Variants in DOK6 observed in about 807,000 individuals in gnomAD.
The protein encoded by DOK6 is docking protein 6.
Under a neutral mutation model 44.0 loss-of-function variants are expected in DOK6, and 22 were observed. The observed-to-expected ratio is 0.50, with a 90% CI of 0.36 to 0.71. The LOEUF (loss-of-function observed/expected upper bound fraction) is 0.71. Among genes scored for constraint, DOK6 ranks in the 30% least tolerant of loss-of-function variants. The pLI is 0.00. For missense variants in DOK6, 340 were observed against 416.4 expected, an observed-to-expected ratio of 0.82 and a Z score of 1.60; for synonymous variants, 166 against 145.5, an observed-to-expected ratio of 1.14 and a Z score of -1.01.
At chr18:69,798,485 G>A (rs1980812003) in intron 7 of DOK6, among the ~76,000 whole-genome samples, 1 of 152,082 alleles carries the variant, frequency 6.6e-6, no homozygotes, top group East Asian at 1.9e-4. Flanking sequence ...TCTTGTATGT[G>A]TAGTACCAAA....
chr18:69,726,923 T>C (rs1170288242), intron 5 of DOK6, among the ~76,000 whole-genome samples: 7 of 151,890 alleles, frequency 4.6e-5, no homozygotes, highest in South Asian at 2.1e-4. Context: ...GGCACCATCA[T>C]AGCTCACTGC....
chr18:69,502,184 G>T (rs945647157), intron 1 of DOK6, among the ~76,000 whole-genome samples: 1 of 152,118 alleles, frequency 6.6e-6, no homozygotes, highest in Non-Finnish European at 1.5e-5. Flanking sequence ...TTCTTGAAAA[G>T]CATGATAATA....
intron 1 of DOK6, among the ~76,000 whole-genome samples, chr18:69,456,764 C>T (rs1046315670): frequency 2.6e-5 from 4 of 152,268 alleles, no homozygotes; most frequent in East Asian, 1.9e-4. Context: ...TTCTTTCCTA[C>T]GAAAAGTGTA....
At chr18:69,711,706 A>G (rs1986760936) in intron 5 of DOK6, among the ~76,000 whole-genome samples, 1 of 152,202 alleles carries the variant, frequency 6.6e-6, no homozygotes, top group African/African-American at 2.4e-5. Flanking sequence ...CAATTATTTA[A>G]TTGTATAATA....
chr18:69,813,498 G>A (rs17081657), intron 7 of DOK6, among the ~76,000 whole-genome samples: 9,816 of 151,982 alleles, frequency 0.065, 412 homozygotes, highest in South Asian at 0.15. Context: ...ATAGAAGCAC[G>A]GTTTATGCAA....
At chr18:69,485,938 A>G (rs1980565874) in intron 1 of DOK6, among the ~76,000 whole-genome samples, 2 of 150,898 alleles carry the variant, frequency 1.3e-5, no homozygotes, top group African/African-American at 4.9e-5. Flanking sequence ...CCCTAAAACT[A>G]AGCTTTTTTA....
At chr18:69,813,250 G>T (rs186976898) in intron 7 of DOK6, among the ~76,000 whole-genome samples, 1 of 152,110 alleles carries the variant, frequency 6.6e-6, no homozygotes, top group South Asian at 2.1e-4. Flanking sequence ...ATTGTTTTAC[G>T]TAGTAATGAA....
intron 2 of DOK6, among the ~76,000 whole-genome samples, chr18:69,588,508 T>C (rs555429294): frequency 1.3e-5 from 2 of 152,282 alleles, no homozygotes; most frequent in South Asian, 2.1e-4. Context: ...GGTTTTATCA[T>C]GAAGCTACCA....
intron 7 of DOK6, among the ~76,000 whole-genome samples, chr18:69,774,139 T>TATATATATATGAG (rs1568122497): frequency 1.7e-5 from 2 of 119,880 alleles, no homozygotes; most frequent in Admixed American, 8.2e-5. Context: ...ATGAGATATA[T>TATATATATATGAG]ATATATATAT....
At chr18:69,803,312 G>T (rs1599333868) in intron 7 of DOK6, among the ~76,000 whole-genome samples, 1 of 152,184 alleles carries the variant, frequency 6.6e-6, no homozygotes, top group East Asian at 1.9e-4. Context: ...ACAGACATTT[G>T]ATAATGGTTT....
At chr18:69,571,691 A>T (rs1983118024) in intron 2 of DOK6, among the ~76,000 whole-genome samples, 1 of 152,092 alleles carries the variant, frequency 6.6e-6, no homozygotes, top group South Asian at 2.1e-4. Context: ...AAAAATCACA[A>T]ATTTTATGGA....
intron 1 of DOK6, chr18:69,469,912 G>T: frequency 4.4e-6 from 1 of 226,372 alleles, no homozygotes; most frequent in South Asian, 4.6e-5. Flanking sequence ...GGTCGCTCGG[G>T]TGCTCTTCAG....
intron 1 of DOK6, among the ~76,000 whole-genome samples, chr18:69,558,010 C>T (rs1402215889): frequency 6.6e-6 from 1 of 152,136 alleles, no homozygotes; most frequent in Non-Finnish European, 1.5e-5. Context: ...AAATAAGGTA[C>T]TGCATTTCAT....
At chr18:69,544,051 G>A (rs1301030255) in intron 1 of DOK6, among the ~76,000 whole-genome samples, 5 of 150,486 alleles carry the variant, frequency 3.3e-5, no homozygotes, top group African/African-American at 1.2e-4. Context: ...GAGGTCAGGA[G>A]TTTGAGACCA....
chr18:69,416,194 GAAGGAAGGAA>G (rs1224439560), intron 1 of DOK6, among the ~76,000 whole-genome samples: 2,399 of 142,982 alleles, frequency 0.017, 70 homozygotes, highest in African/African-American at 0.064. Context: ...AGGAAGGAAC[GAAGGAAGGAA>G]GGAAGGAACG....
chr18:69,693,001 A>C (rs760773567), intron 4 of DOK6, among the ~76,000 whole-genome samples: 72 of 152,206 alleles, frequency 4.7e-4, no homozygotes, highest in Admixed American at 7.2e-4. Flanking sequence ...TTATGTCACC[A>C]ATGATCTAAA....
intron 1 of DOK6, among the ~76,000 whole-genome samples, chr18:69,513,394 A>G (rs543468983): frequency 0.013 from 1,998 of 152,308 alleles, 37 homozygotes; most frequent in African/African-American, 0.046. Context: ...ACACACGCAC[A>G]CTCTCTCTCA....
chr18:69,578,991 G>A (rs1983301887), intron 2 of DOK6, among the ~76,000 whole-genome samples: 1 of 152,018 alleles, frequency 6.6e-6, no homozygotes, highest in Non-Finnish European at 1.5e-5. Flanking sequence ...AAAAACAACA[G>A]TACACTTTTA....
intron 1 of DOK6, among the ~76,000 whole-genome samples, chr18:69,435,025 GGGAA>G (rs71176965): frequency 0.024 from 1,738 of 72,182 alleles, 61 homozygotes; most frequent in Middle Eastern, 0.067. Flanking sequence ...TAGGGAGGGA[GGGAA>G]GGAAGGAAGG....
Sources: gnomAD v4.1 joint callset for allele counts (sites outside exome capture counted in the v4.1 genomes callset) on GRCh38, gnomAD v4.1.1 for gene constraint, MANE v1.5 for transcripts, NCBI Gene and HGNC (gene_info 2026-07-23, HGNC 2026-07-21) for gene names.